Variants in KLHL3 observed in about 807,000 individuals in gnomAD.
KLHL3 encodes kelch like family member 3.
Under a neutral mutation model 70.5 loss-of-function variants are expected in KLHL3, and 19 were observed. The observed-to-expected ratio is 0.27, with a 90% CI of 0.19 to 0.40. The LOEUF is 0.40. Among genes scored for constraint, KLHL3 ranks in the 10% least tolerant of loss-of-function variants. KLHL3 has a pLI of 1.00. For synonymous variants in KLHL3, 258 were observed against 290.3 expected (o/e 0.89, Z 1.13); for missense variants, 512 against 771.1 (o/e 0.66, Z 3.98).
At position 137,617,632 on chromosome 5, in the gene KLHL3, T is replaced by A. The variant is rs1196817526; in HGVS notation, c.*4466A>T. On this transcript the variant is annotated 3_prime_UTR_variant, in exon 15 of 15. Transcript: ENST00000309755. The stretch of plus-strand genomic sequence containing the variant: ...ATCAAGCATGTGACAAGTGTTCTTT[T>A]ACAAGATATACAGTCCCTAACAGCC... 2 of 152,220 alleles carry A rather than the reference T, an allele frequency of 1.3e-5. No individual in the cohort carries two copies. Among genetic ancestry groups the A allele is most frequent in the Non-Finnish European group, 2.9e-5 (2 of 68,048 alleles). The allele number at this position is 152,220 out of a possible 1,614,324, so 9.4% of individuals were successfully genotyped here. A position where few individuals can be genotyped will look rare whatever the true frequency, so the allele number is the denominator to read the frequency against.
At chr5:137,645,337 T>C (rs1751017080) in intron 8 of KLHL3, among the ~76,000 whole-genome samples, 1 of 152,114 alleles carries the variant, frequency 6.6e-6, no homozygotes, top group African/African-American at 2.4e-5. Flanking sequence ...GAGAAAGAAA[T>C]GAAGTACATT....
chr5:137,696,127 CAG>C (rs904924687), intron 4 of KLHL3, among the ~76,000 whole-genome samples: 10 of 152,298 alleles, frequency 6.6e-5, no homozygotes, highest in Admixed American at 5.2e-4. Context: ...TATCCTGCCA[CAG>C]AGTTTGCTTC....
intron 11 of KLHL3, among the ~76,000 whole-genome samples, chr5:137,635,232 C>T (rs1750738518): frequency 6.6e-6 from 1 of 152,192 alleles, no homozygotes; most frequent in Admixed American, 6.5e-5. Flanking sequence ...TGTTTTTCTT[C>T]TATCATCATC....
chr5:137,635,419 C>T (rs1170615334), intron 11 of KLHL3, among the ~76,000 whole-genome samples: 2 of 152,172 alleles, frequency 1.3e-5, no homozygotes, highest in African/African-American at 4.8e-5. Flanking sequence ...TGCGAAATAT[C>T]CATAGCACAC....
At chr5:137,649,201 G>A (rs1375957889) in intron 8 of KLHL3, among the ~76,000 whole-genome samples, 7 of 152,220 alleles carry the variant, frequency 4.6e-5, no homozygotes, top group South Asian at 2.1e-4. Flanking sequence ...ACACTCAGAC[G>A]TGGAACTTAA....
chr5:137,665,082 C>A (rs898529565), intron 6 of KLHL3, among the ~76,000 whole-genome samples: 30 of 152,054 alleles, frequency 2.0e-4, no homozygotes, highest in African/African-American at 5.3e-4. Context: ...CTGAATCTTA[C>A]GGTGAGGAAA....
intron 1 of KLHL3, among the ~76,000 whole-genome samples, chr5:137,732,223 C>T (rs1355936386): frequency 6.6e-6 from 1 of 151,852 alleles, no homozygotes; most frequent in Non-Finnish European, 1.5e-5. Context: ...AGCCAGAGAC[C>T]CTTTCCCTTT....
intron 8 of KLHL3, among the ~76,000 whole-genome samples, chr5:137,641,480 G>GTA (rs1407259934): frequency 3.3e-5 from 5 of 152,098 alleles, no homozygotes; most frequent in African/African-American, 1.2e-4. Flanking sequence ...TCCATGCTCT[G>GTA]TATGGATTTC....
At chr5:137,668,497 C>T (rs911884723) in intron 6 of KLHL3, among the ~76,000 whole-genome samples, 3 of 152,180 alleles carry the variant, frequency 2.0e-5, no homozygotes, top group South Asian at 2.1e-4. Flanking sequence ...CAATCCTCCA[C>T]GCCCTCCTGG....
intron 6 of KLHL3, among the ~76,000 whole-genome samples, chr5:137,665,015 A>ATT (rs1417241629): frequency 6.6e-6 from 1 of 152,192 alleles, no homozygotes; most frequent in Non-Finnish European, 1.5e-5. Flanking sequence ...TTGTGATTTA[A>ATT]TTGAAAAGAC....
chr5:137,668,386 G>A (rs763037061), intron 6 of KLHL3, among the ~76,000 whole-genome samples: 31 of 152,142 alleles, frequency 2.0e-4, no homozygotes, highest in Non-Finnish European at 4.3e-4. Context: ...ACTCCAGCCT[G>A]GTGACAGAGA....
intron 8 of KLHL3, among the ~76,000 whole-genome samples, chr5:137,648,483 T>C (rs1751111238): frequency 6.6e-6 from 1 of 152,248 alleles, no homozygotes; most frequent in Non-Finnish European, 1.5e-5. Flanking sequence ...TGAAACCTCA[T>C]TTCCTTGCTG....
At chr5:137,657,648 G>T (rs1186190285) in intron 8 of KLHL3, among the ~76,000 whole-genome samples, 1 of 151,978 alleles carries the variant, frequency 6.6e-6, no homozygotes, top group African/African-American at 2.4e-5. Context: ...AATTTGACAG[G>T]GTCCCTTTTC....
chr5:137,637,683 T>G (rs1750804091), intron 10 of KLHL3, among the ~76,000 whole-genome samples: 1 of 152,328 alleles, frequency 6.6e-6, no homozygotes, highest in Middle Eastern at 3.4e-3. Context: ...CAGAGTGGGA[T>G]ACTTTGATTC....
At chr5:137,657,897 C>T (rs1751381373) in intron 8 of KLHL3, among the ~76,000 whole-genome samples, 1 of 152,160 alleles carries the variant, frequency 6.6e-6, no homozygotes. Flanking sequence ...CTGAGTTATT[C>T]TCAAACCTCC....
intron 12 of KLHL3, among the ~76,000 whole-genome samples, chr5:137,633,283 AAAAAAAAAAAAAAAAAAAAGTTT>A (rs1353790710): frequency 6.6e-6 from 1 of 150,512 alleles, no homozygotes; most frequent in Non-Finnish European, 1.5e-5. Context: ...CATCTCAAAA[AAAAAAAAAAAAAAAAAAAAGTTT>A]AAAAAAAAAA....
intron 5 of KLHL3, 73 bp downstream of exon 5, chr5:137,692,212 G>A (rs1387787227): frequency 3.7e-6 from 5 of 1,333,528 alleles, no homozygotes; most frequent in African/African-American, 1.5e-5. Context: ...CATAATCTTT[G>A]AGGAGTCTGC....
chr5:137,661,163 C>T (rs11242395), intron 7 of KLHL3: 26,203 of 152,162 alleles, frequency 0.17, 2,527 homozygotes, highest in Non-Finnish European at 0.22. Flanking sequence ...GCTAGCTTAG[C>T]GGAAGAACTA....
intron 3 of KLHL3, among the ~76,000 whole-genome samples, chr5:137,704,560 T>C (rs1752646666): frequency 6.6e-6 from 1 of 152,218 alleles, no homozygotes; most frequent in Non-Finnish European, 1.5e-5. Flanking sequence ...TCATAAAATA[T>C]TCCTTACCAA....
Sources: allele counts gnomAD v4.1 joint callset (sites outside exome capture counted in the v4.1 genomes callset), GRCh38; gene constraint gnomAD v4.1.1; transcripts MANE v1.5; gene names NCBI Gene and HGNC (gene_info 2026-07-23, HGNC 2026-07-21).